SLC9C1: variants seen among roughly 807,000 people sequenced by gnomAD.
The protein encoded by SLC9C1 is sodium/hydrogen exchanger 10.
Under a neutral mutation model 140.9 loss-of-function variants are expected in SLC9C1, and 97 were observed. The observed-to-expected ratio is 0.69, with a 90% CI of 0.58 to 0.82. SLC9C1 has a LOEUF of 0.82. Among genes scored for constraint, SLC9C1 ranks in the 40% least tolerant of loss-of-function variants. The pLI is 0.00. For synonymous variants in SLC9C1, 440 were observed against 442.6 expected, an observed-to-expected ratio of 0.99 and a Z score of 0.07; for missense variants, 1,340 against 1,389.3, an observed-to-expected ratio of 0.96 and a Z score of 0.56.
intron 1 of SLC9C1, among the ~76,000 whole-genome samples, chr3:112,289,470 C>T (rs893751910): frequency 3.9e-5 from 6 of 152,152 alleles, no homozygotes; most frequent in Non-Finnish European, 2.9e-5. Flanking sequence ...CTGTGATGGG[C>T]ACAGAAGCAG....
chr3:112,217,676 A>G (rs920874448), intron 14 of SLC9C1, 115 bp from the exon 15 acceptor site: 9 of 870,684 alleles, frequency 1.0e-5, no homozygotes, highest in East Asian at 5.8e-5. Context: ...CAGGAAGACT[A>G]TTTTGTGCCA....
In SLC9C1 at chr3:112,167,272, T is replaced by C. The variant is rs1399884581; in HGVS notation, c.3313A>G (p.Ile1105Val). 1.9e-6 allele frequency: 3 copies of C among 1,609,892 alleles called. No individual in the cohort carries two copies. Among genetic ancestry groups the C allele is most frequent in the Non-Finnish European group, 2.5e-6 (3 of 1,178,198 alleles). The change falls in exon 26 of 29, where the codon ATT becomes GTT. Residue 1105 changes from isoleucine (I) to valine (V), a missense_variant. By Grantham distance (29) the Ile-to-Val change is conservative. Transcript: ENST00000305815. Reference sequence around the variant, plus strand: ...TTATGTTTAGGAACAAACTTTCTAATATTCCTTCTGAATGTTTTCATGTTA... The same window carrying C: ...TTATGTTTAGGAACAAACTTTCTAACATTCCTTCTGAATGTTTTCATGTTA... ...PINMKTFRRNIRKFVPKHKSY... is the reference protein window; with the variant it reads ...PINMKTFRRNVRKFVPKHKSY...
chr3:112,270,210 A>G, intron 6 of SLC9C1, 133 bp from the exon 7 acceptor site: 1 of 831,334 alleles, frequency 1.2e-6, no homozygotes, highest in Non-Finnish European at 1.7e-6. Context: ...ATGAGAGTGC[A>G]GATATCCCTG....
In SLC9C1 at chr3:112,215,133, G is replaced by A. The variant is rs78397556; in HGVS notation, c.1790+2309C>T. On this transcript the variant is annotated intron_variant, in intron 15 of 28. Transcript: ENST00000305815. ...TCACATGATTATCTCAATAGATGCA[G>A]AAAAGGCCTTCAACAAAATTCAAAG... 6.0e-3 allele frequency among the ~76,000 whole-genome samples: 911 copies of A among 152,010 alleles called. 5 individuals are homozygous for A. The highest frequency in any genetic ancestry group is 0.021 in the African/African-American group (880 of 41,424).
chr3:112,272,961 A>G (rs1290248165), intron 6 of SLC9C1, among the ~76,000 whole-genome samples: 1 of 152,076 alleles, frequency 6.6e-6, no homozygotes, highest in African/African-American at 2.4e-5. Context: ...GAGTACCAAA[A>G]AAGTTCCCCT....
intron 26 of SLC9C1, among the ~76,000 whole-genome samples, chr3:112,166,439 A>T (rs1385775109): frequency 6.6e-6 from 1 of 152,230 alleles, no homozygotes; most frequent in Non-Finnish European, 1.5e-5. Flanking sequence ...AGAGCTCCAC[A>T]TGGCTGGGGA....
chr3:112,227,370 C>T (rs1362558833), intron 13 of SLC9C1, among the ~76,000 whole-genome samples: 1 of 152,086 alleles, frequency 6.6e-6, no homozygotes, highest in Non-Finnish European at 1.5e-5. Flanking sequence ...AGTCTAACAG[C>T]ACATCAAAAA....
chr3:112,141,469 G>A (rs1408423493), intron 28 of SLC9C1, among the ~76,000 whole-genome samples, 188 bp from the exon 29 acceptor site: 1 of 152,110 alleles, frequency 6.6e-6, no homozygotes, highest in Non-Finnish European at 1.5e-5. Context: ...CTCATAGAGT[G>A]GTGGCAGAAT....
At chr3:112,190,348 CA>C (rs1422474850) in intron 20 of SLC9C1, among the ~76,000 whole-genome samples, 1 of 152,082 alleles carries the variant, frequency 6.6e-6, no homozygotes, top group Non-Finnish European at 1.5e-5. Flanking sequence ...TTTGCCCCTT[CA>C]GTATGATAAC....
At chr3:112,285,888 C>T (rs1405018828) in intron 2 of SLC9C1, among the ~76,000 whole-genome samples, 5 of 152,130 alleles carry the variant, frequency 3.3e-5, no homozygotes, top group African/African-American at 1.2e-4. Flanking sequence ...ACCTCAGCCT[C>T]CTGAGTAGGC....
chr3:112,165,101 G>T (rs961654076), intron 26 of SLC9C1, among the ~76,000 whole-genome samples: 2 of 152,116 alleles, frequency 1.3e-5, no homozygotes, highest in African/African-American at 4.8e-5. Context: ...CGTAGTTCTT[G>T]TGCCATGGTT....
chr3:112,221,171 C>T lies in SLC9C1; in HGVS notation c.1627G>A (p.Val543Met), dbSNP rs2078530942. The T allele has an allele frequency of 1.2e-6, 2 of 1,613,656 alleles. No homozygotes were observed. Among genetic ancestry groups the T allele is most frequent in the East Asian group, 2.2e-5 (1 of 44,858 alleles). ...NEILSQSAVQ[V>M]LVGAAESFGE... ...AAACTTTCTGCTGCACCAACCAACA[C>T]CTGGACAGCACTCTGGGACAGAATC... The change falls in exon 14 of 29, where the codon GTG (valine) becomes ATG (methionine). Residue 543 changes from valine (V) to methionine (M), a missense_variant. Transcript: ENST00000305815.
intron 10 of SLC9C1, among the ~76,000 whole-genome samples, chr3:112,248,842 C>A (rs900848519): frequency 6.6e-6 from 1 of 152,110 alleles, no homozygotes; most frequent in African/African-American, 2.4e-5. Context: ...TAGTTTTCTT[C>A]AAACTCTATT....
chr3:112,235,723 T>C (rs1279435015), intron 12 of SLC9C1, among the ~76,000 whole-genome samples: 1 of 152,202 alleles, frequency 6.6e-6, no homozygotes, highest in African/African-American at 2.4e-5. Context: ...TCTATTGAGG[T>C]AATCATGTGG....
At chr3:112,169,426 T>C in intron 23 of SLC9C1, 98 bp from the exon 24 acceptor site, 1 of 1,134,510 alleles carries the variant, frequency 8.8e-7, no homozygotes, top group Non-Finnish European at 1.2e-6. Flanking sequence ...GCTAATAATT[T>C]AATTAGGTAA....
intron 13 of SLC9C1, among the ~76,000 whole-genome samples, chr3:112,224,839 T>C (rs939111716): frequency 6.6e-6 from 1 of 151,416 alleles, no homozygotes; most frequent in African/African-American, 2.4e-5. Context: ...GAAAGATAGA[T>C]AGATAGAAAG....
intron 6 of SLC9C1, among the ~76,000 whole-genome samples, chr3:112,271,393 G>GTATATATATATATATATATA (rs57918598): frequency 0.015 from 1,925 of 125,372 alleles, 90 homozygotes; most frequent in South Asian, 0.053. Flanking sequence ...ATTCTACATT[G>GTATATATATATATATATATA]TATATATATA....
chr3:112,161,096 C>T (rs1479613822), intron 26 of SLC9C1, among the ~76,000 whole-genome samples: 40 of 152,144 alleles, frequency 2.6e-4, no homozygotes, highest in South Asian at 8.3e-4. Flanking sequence ...TCATGTCCTT[C>T]ACCCACTTTT....
At chr3:112,229,189 G>A (rs1196370332) in intron 13 of SLC9C1, among the ~76,000 whole-genome samples, 1 of 152,058 alleles carries the variant, frequency 6.6e-6, no homozygotes, top group Non-Finnish European at 1.5e-5. Context: ...GGACAGGGGA[G>A]CTAGCAGGAA....
Sources: allele counts gnomAD v4.1 joint callset (sites outside exome capture counted in the v4.1 genomes callset), GRCh38; gene constraint gnomAD v4.1.1; transcripts MANE v1.5; gene names NCBI Gene and HGNC (gene_info 2026-07-23, HGNC 2026-07-21).